The following FGF12 variants were observed in gnomAD, a reference collection of about 807,000 sequenced individuals.
FGF12 encodes fibroblast growth factor 12B.
A neutral mutation model predicts 23.6 loss-of-function variants in FGF12; 14 were observed. The ratio of observed to expected loss-of-function variants is 0.59; its 90% CI spans 0.39 to 0.93. FGF12 has a LOEUF of 0.93. Ranked by LOEUF, FGF12 falls within the 40% of genes least tolerant of loss-of-function variation. The pLI is 0.00. For missense variants in FGF12, 175 were observed against 217.8 expected (o/e 0.80, Z 1.24); for synonymous variants, 62 against 77.3 (o/e 0.80, Z 1.04).
At chr3:192,194,082 C>T (rs1165011500) in intron 4 of FGF12, among the ~76,000 whole-genome samples, 8 of 152,148 alleles carry the variant, frequency 5.3e-5, no homozygotes, top group Admixed American at 2.6e-4. Flanking sequence ...TAAATCTGAG[C>T]GGTTTTAAAT....
At chr3:192,317,531 C>T (rs767564402) in intron 4 of FGF12, among the ~76,000 whole-genome samples, 8 of 152,044 alleles carry the variant, frequency 5.3e-5, no homozygotes, top group African/African-American at 9.7e-5. Flanking sequence ...GTAGGAAAGA[C>T]TTGTTTTGCA....
At chr3:192,160,921 T>C (rs1577188689) in intron 5 of FGF12, among the ~76,000 whole-genome samples, 1 of 152,066 alleles carries the variant, frequency 6.6e-6, no homozygotes, top group African/African-American at 2.4e-5. Context: ...TTGACACAAA[T>C]GGAGCAAGGA....
At chr3:192,221,181 C>A (rs1460162148) in intron 4 of FGF12, among the ~76,000 whole-genome samples, 1 of 152,180 alleles carries the variant, frequency 6.6e-6, no homozygotes, top group Admixed American at 6.5e-5. Flanking sequence ...GTTGGGTGAC[C>A]TTTTCTGTTT....
At chr3:192,468,830 G>A (rs191030726) in intron 2 of FGF12, among the ~76,000 whole-genome samples, 87 of 152,208 alleles carry the variant, frequency 5.7e-4, no homozygotes, top group African/African-American at 2.1e-3. Flanking sequence ...CATTATTAAC[G>A]TGGGGTTTGC....
At chr3:192,447,629 T>C (rs1560114136) in intron 2 of FGF12, among the ~76,000 whole-genome samples, 1 of 152,198 alleles carries the variant, frequency 6.6e-6, no homozygotes, top group Non-Finnish European at 1.5e-5. Flanking sequence ...ACCTAAGCAC[T>C]CTTTTCTCAT....
intron 2 of FGF12, among the ~76,000 whole-genome samples, chr3:192,600,369 T>C (rs775307220): frequency 6.6e-6 from 1 of 152,108 alleles, no homozygotes; most frequent in Non-Finnish European, 1.5e-5. Flanking sequence ...GTTTTGGCTA[T>C]TTGGGGTCTT....
intron 2 of FGF12, among the ~76,000 whole-genome samples, chr3:192,470,779 T>G (rs1452077224): frequency 6.6e-6 from 1 of 152,210 alleles, no homozygotes; most frequent in Non-Finnish European, 1.5e-5. Flanking sequence ...AAGGGAAAAC[T>G]AATCTCTTCA....
chr3:192,434,824 A>G (rs1721966891), intron 2 of FGF12, among the ~76,000 whole-genome samples: 1 of 152,104 alleles, frequency 6.6e-6, no homozygotes, highest in African/African-American at 2.4e-5. Context: ...CCCTATGATC[A>G]GGATATTAAA....
rs183484027 is a variant in FGF12 at position 192,426,831 on chromosome 3, C to T, written c.14-66293G>A. On this transcript the variant is annotated intron_variant, in intron 2 of 5. Coordinates refer to ENST00000445105, the MANE Select transcript of FGF12 (RefSeq NM_004113.6). ...AGTAGAAGAGTATTTGACTTGTAAC[C>T]AAAATCTTGATTTTAAATTTTAATT... Among the ~76,000 whole-genome samples the T allele has an allele frequency of 5.9e-5, 9 of 152,216 alleles. No individual in the cohort carries two copies. The East Asian group carries it at 1.7e-3, about 29-fold the overall frequency.
intron 4 of FGF12, among the ~76,000 whole-genome samples, chr3:192,183,095 C>A (rs537087947): frequency 1.3e-5 from 2 of 152,264 alleles, no homozygotes; most frequent in African/African-American, 4.8e-5. Context: ...GAAACGTGGA[C>A]TGGGACGCAG....
At chr3:192,399,388 TC>T (rs1307393886) in intron 2 of FGF12, among the ~76,000 whole-genome samples, 1 of 152,162 alleles carries the variant, frequency 6.6e-6, no homozygotes, top group Admixed American at 6.5e-5. Flanking sequence ...CACCGAATCT[TC>T]CGGCACCTTG....
chr3:192,179,691 G>A (rs955442258), intron 4 of FGF12, among the ~76,000 whole-genome samples: 2 of 151,824 alleles, frequency 1.3e-5, no homozygotes, highest in Non-Finnish European at 2.9e-5. Context: ...GATTACAGGT[G>A]TGTGCCACCA....
Position 192,576,008 on chromosome 3 carries a change from T to G in FGF12, c.13+151173A>C, listed in dbSNP as rs529724390. 5.3e-5 allele frequency among the ~76,000 whole-genome samples: 8 copies of G among 152,316 alleles called. No individual in the cohort carries two copies. The South Asian group carries it at 1.7e-3, about 32-fold the overall frequency. On this transcript the variant is annotated intron_variant, in intron 2 of 5. Transcript: ENST00000445105. Reference sequence around the variant, plus strand: ...CAATGAAAATTTTAGAATTGTAATTTCACCATCCAAATAACCTTTGTTTTA... The same window carrying G: ...CAATGAAAATTTTAGAATTGTAATTGCACCATCCAAATAACCTTTGTTTTA...
At chr3:192,342,698 C>A (rs138268159) in intron 3 of FGF12, among the ~76,000 whole-genome samples, 1 of 152,042 alleles carries the variant, frequency 6.6e-6, no homozygotes, top group African/African-American at 2.4e-5. Context: ...ATAGCCTGCA[C>A]CCAGGAATTC....
At chr3:192,700,917 AT>A (rs1470002284) in intron 2 of FGF12, among the ~76,000 whole-genome samples, 2 of 152,080 alleles carry the variant, frequency 1.3e-5, no homozygotes, top group African/African-American at 4.8e-5. Context: ...TCCAAAATAT[AT>A]TTTTTTGACA....
chr3:192,237,518 G>A (rs914125855), intron 4 of FGF12, among the ~76,000 whole-genome samples: 3 of 152,088 alleles, frequency 2.0e-5, no homozygotes, highest in African/African-American at 4.8e-5. Context: ...ATTTCTCAGA[G>A]CTTTTGTTCA....
intron 5 of FGF12, among the ~76,000 whole-genome samples, chr3:192,148,300 A>G (rs1713839733): frequency 6.6e-6 from 1 of 152,254 alleles, no homozygotes; most frequent in Admixed American, 6.5e-5. Flanking sequence ...ATTCTGACAC[A>G]TACTACAACA....
At chr3:192,435,914 C>T (rs529939630) in intron 2 of FGF12, among the ~76,000 whole-genome samples, 1 of 152,210 alleles carries the variant, frequency 6.6e-6, no homozygotes, top group East Asian at 1.9e-4. Flanking sequence ...TTTACAATTC[C>T]CTGGCATTTT....
At chr3:192,282,838 A>G (rs532087930) in intron 4 of FGF12, 3 of 152,276 alleles carry the variant, frequency 2.0e-5, no homozygotes, top group African/African-American at 7.2e-5. Context: ...CAGAGAGTAT[A>G]TACTATAAAT....
Sources: allele counts gnomAD v4.1 joint callset (sites outside exome capture counted in the v4.1 genomes callset), GRCh38; gene constraint gnomAD v4.1.1; transcripts MANE v1.5; gene names NCBI Gene and HGNC (gene_info 2026-07-23, HGNC 2026-07-21).